The following SUGCT variants were observed in gnomAD, a reference collection of about 807,000 sequenced individuals.
The protein encoded by SUGCT is succinyl-CoA:glutarate CoA-transferase.
In SUGCT, 41 loss-of-function variants were observed where a neutral mutation model predicts 55.0. The observed-to-expected ratio is 0.74, with a 90% CI of 0.58 to 0.97. The LOEUF (loss-of-function observed/expected upper bound fraction) is 0.97. Among genes scored for constraint, SUGCT ranks in the 50% least tolerant of loss-of-function variants. SUGCT has a pLI of 0.00. For synonymous variants in SUGCT, 187 were observed against 200.4 expected (o/e 0.93, Z 0.56); for missense variants, 568 against 547.8 (o/e 1.04, Z -0.37).
intron 12 of SUGCT, among the ~76,000 whole-genome samples, chr7:40,737,196 G>A (rs367838868): frequency 2.6e-4 from 39 of 152,058 alleles, no homozygotes; most frequent in Middle Eastern, 6.8e-3. Flanking sequence ...TCACAGCTTC[G>A]ACATTGAATC....
intron 6 of SUGCT, among the ~76,000 whole-genome samples, chr7:40,226,843 G>A (rs1321032446): frequency 1.3e-4 from 19 of 151,756 alleles, no homozygotes; most frequent in East Asian, 1.9e-4. Context: ...GGTGGCTCAC[G>A]CTTGCAGTGA....
the SUGCT span, among the ~76,000 whole-genome samples, chr7:40,926,483 A>T: frequency 6.6e-6 from 1 of 152,188 alleles, no homozygotes; most frequent in East Asian, 1.9e-4. Flanking sequence ...AAGTAATAAG[A>T]TAGTTTCTAG....
chr7:40,716,350 G>A (rs1283041567), intron 12 of SUGCT, among the ~76,000 whole-genome samples: 2 of 152,210 alleles, frequency 1.3e-5, no homozygotes, highest in African/African-American at 2.4e-5. Context: ...TAATAAGTCA[G>A]GGAGCCCAAA....
At chr7:40,729,915 G>A (rs1786807160) in intron 12 of SUGCT, among the ~76,000 whole-genome samples, 1 of 152,168 alleles carries the variant, frequency 6.6e-6, no homozygotes, top group South Asian at 2.1e-4. Flanking sequence ...GGGTTTGTAT[G>A]TGAAATCTCC....
chr7:40,471,133 C>A (rs772106486), intron 11 of SUGCT, among the ~76,000 whole-genome samples: 10 of 151,878 alleles, frequency 6.6e-5, no homozygotes, highest in Non-Finnish European at 1.3e-4. Context: ...TTAAACACAT[C>A]AAAATATACA....
At chr7:40,576,988 A>C (rs1188929302) in intron 12 of SUGCT, among the ~76,000 whole-genome samples, 1 of 152,322 alleles carries the variant, frequency 6.6e-6, no homozygotes, top group Middle Eastern at 3.4e-3. Context: ...TGTAGCCCAG[A>C]CTGGAAGCAT....
At chr7:40,187,618 A>C (rs1785600672) in intron 3 of SUGCT, among the ~76,000 whole-genome samples, 1 of 151,878 alleles carries the variant, frequency 6.6e-6, no homozygotes. Flanking sequence ...CATTATCTCC[A>C]CCTGAGATAT....
intron 7 of SUGCT, among the ~76,000 whole-genome samples, chr7:40,244,130 G>A (rs1169951699): frequency 6.6e-6 from 1 of 152,138 alleles, no homozygotes; most frequent in Non-Finnish European, 1.5e-5. Context: ...CCCAGATTGC[G>A]CCACTGCACT....
intron 6 of SUGCT, among the ~76,000 whole-genome samples, chr7:40,215,298 A>G (rs1234892655): frequency 6.6e-6 from 1 of 151,988 alleles, no homozygotes; most frequent in Non-Finnish European, 1.5e-5. Context: ...GCGTGCCACC[A>G]TGCTCAGATA....
chr7:40,154,056 G>T, intron 1 of SUGCT: 1 of 253,994 alleles, frequency 3.9e-6, no homozygotes. Flanking sequence ...TACAGTTCGG[G>T]TGAACATTGG....
chr7:40,341,758 G>A (rs1312701418), intron 9 of SUGCT, among the ~76,000 whole-genome samples: 1 of 152,170 alleles, frequency 6.6e-6, no homozygotes, highest in Non-Finnish European at 1.5e-5. Flanking sequence ...GTTTCATTTA[G>A]GAACCAGGAA....
chr7:41,015,017 A>G, the SUGCT span, among the ~76,000 whole-genome samples: 66 of 152,338 alleles, frequency 4.3e-4, no homozygotes, highest in African/African-American at 1.5e-3. Context: ...CATAAAGAAA[A>G]GTATGATTGC....
chr7:40,309,281 TAGTA>T (rs1229307126), intron 8 of SUGCT, among the ~76,000 whole-genome samples: 2 of 150,810 alleles, frequency 1.3e-5, no homozygotes, highest in African/African-American at 4.8e-5. Context: ...TCCTGGCACA[TAGTA>T]AGTGTGATAT....
rs567301712 is a variant in SUGCT at position 40,322,103 on chromosome 7, T to G, written c.816+5248T>G. Among the ~76,000 whole-genome samples the G allele has an allele frequency of 2.0e-5, 3 of 152,322 alleles. No individual in the cohort carries two copies. In the South Asian group the frequency reaches 6.2e-4, roughly 32 times the overall value. On this transcript the variant is annotated intron_variant, in intron 9 of 13. Coordinates refer to ENST00000335693, the MANE Select transcript of SUGCT (RefSeq NM_001193313.2). Reference sequence around the variant, plus strand: ...TGTCCTCACCATCTGTTCTTACATTTTAAGAGCAGTGTTTTTTTATAGATG... The same window carrying G: ...TGTCCTCACCATCTGTTCTTACATTGTAAGAGCAGTGTTTTTTTATAGATG...
chr7:40,447,032 T>C (rs1219622510), intron 9 of SUGCT, among the ~76,000 whole-genome samples: 1 of 152,212 alleles, frequency 6.6e-6, no homozygotes, highest in Non-Finnish European at 1.5e-5. Flanking sequence ...TTCAGAGTTG[T>C]GCAACCATCA....
chr7:40,776,801 C>T (rs1789475428), intron 13 of SUGCT, among the ~76,000 whole-genome samples: 1 of 152,160 alleles, frequency 6.6e-6, no homozygotes, highest in Admixed American at 6.5e-5. Context: ...GCTCATCAAT[C>T]CCAGGCTCTT....
At chr7:40,841,177 A>G (rs1793261631) in intron 13 of SUGCT, among the ~76,000 whole-genome samples, 1 of 151,960 alleles carries the variant, frequency 6.6e-6, no homozygotes, top group Non-Finnish European at 1.5e-5. Flanking sequence ...CCTAATAAAC[A>G]AAATAAAATT....
intron 7 of SUGCT, among the ~76,000 whole-genome samples, chr7:40,240,273 C>T (rs1384030020): frequency 6.6e-6 from 1 of 151,982 alleles, no homozygotes; most frequent in African/African-American, 2.4e-5. Flanking sequence ...CACCTGAGTT[C>T]GGGAGTTCGA....
At chr7:40,190,658 A>AT (rs11390841) in intron 5 of SUGCT, among the ~76,000 whole-genome samples, 77,585 of 151,844 alleles carry the variant, frequency 0.51, 20,232 homozygotes, top group Middle Eastern at 0.65. Flanking sequence ...AGCTATTATT[A>AT]TTCCTATGTT....
Sources: allele counts gnomAD v4.1 joint callset (sites outside exome capture counted in the v4.1 genomes callset), GRCh38; gene constraint gnomAD v4.1.1; transcripts MANE v1.5; gene names NCBI Gene and HGNC (gene_info 2026-07-23, HGNC 2026-07-21).